GPM6B: variants seen among roughly 807,000 people sequenced by gnomAD.
The protein encoded by GPM6B is neuronal membrane glycoprotein M6-b.
Under a neutral mutation model 27.2 loss-of-function variants are expected in GPM6B, and 4 were observed. The ratio of observed to expected loss-of-function variants is 0.15; its 90% CI spans 0.07 to 0.34. GPM6B has a LOEUF of 0.34. GPM6B is among the 10% of genes least tolerant of loss of function. The probability of loss-of-function intolerance (pLI) is 1.00; values close to 1 mark genes in which losing one functional copy is unlikely to be tolerated. For synonymous variants in GPM6B, 124 were observed against 103.1 expected (o/e 1.20, Z -1.23); for missense variants, 183 against 261.9 (o/e 0.70, Z 2.08).
chrX:13,816,811 C>T, intron 1 of GPM6B, 33 bp downstream of exon 1: 1 of 1,208,047 alleles, frequency 8.3e-7, no homozygotes. Context: ...CAGTGAAAAG[C>T]TTTAAACAGG....
At chrX:13,887,891 T>C (rs1332217169) in intron 1 of GPM6B, among the ~76,000 whole-genome samples, 1 of 111,731 alleles carries the variant, frequency 9.0e-6, no homozygotes, top group Non-Finnish European at 1.9e-5. Flanking sequence ...CAGTGGGATA[T>C]GGGCATCTCA....
chrX:13,914,466 C>T (rs1197772276), intron 1 of GPM6B, among the ~76,000 whole-genome samples: 1 of 112,686 alleles, frequency 8.9e-6, no homozygotes, highest in Non-Finnish European at 1.9e-5. Context: ...CCTGAACTCC[C>T]TTTTCTTCTT....
intron 1 of GPM6B, among the ~76,000 whole-genome samples, chrX:13,903,105 T>C (rs2050296705): frequency 8.9e-6 from 1 of 112,095 alleles, no homozygotes; most frequent in Non-Finnish European, 1.9e-5. Context: ...CTCACTCCCA[T>C]ACTTTGTTAA....
intron 3 of GPM6B, 36 bp downstream of exon 3, chrX:13,785,586 C>A (rs765969282): frequency 1.7e-6 from 2 of 1,176,930 alleles, no homozygotes; most frequent in East Asian, 3.0e-5. Context: ...CCACGCCAGG[C>A]CTTAGATGCA....
intron 1 of GPM6B, among the ~76,000 whole-genome samples, chrX:13,903,378 C>T (rs2050299948): frequency 8.9e-6 from 1 of 112,017 alleles, no homozygotes; most frequent in East Asian, 2.8e-4. Flanking sequence ...TTCTTAGAGT[C>T]AGTATATTAT....
intron 7 of GPM6B, chrX:13,774,454 A>G: frequency 1.7e-6 from 2 of 1,168,947 alleles, no homozygotes; most frequent in Non-Finnish European, 2.3e-6. Context: ...TACTGTAACA[A>G]AATTGCAGAA....
intron 1 of GPM6B, among the ~76,000 whole-genome samples, chrX:13,926,536 T>C (rs1180505557): frequency 1.8e-5 from 2 of 111,397 alleles, no homozygotes; most frequent in Admixed American, 9.5e-5. Flanking sequence ...TCTAAATCTA[T>C]AGTAATGAAG....
In GPM6B at chrX:13,771,021, C is replaced by T. The variant is rs1412890726; in HGVS notation, c.*1860G>A. ...TAAATAGATCTTTAAAATAAGCATA[C>T]ACAAGTATTGACTATTATCTACAAA... On this transcript the variant is annotated 3_prime_UTR_variant, in exon 8 of 8. Coordinates refer to ENST00000316715, the MANE Select transcript of GPM6B (RefSeq NM_001001995.3). The T allele has an allele frequency of 3.6e-5, 4 of 112,524 alleles. No homozygotes were observed. The highest frequency in any genetic ancestry group is 7.5e-5 in the Non-Finnish European group (4 of 53,208). The allele number at this position is 112,524 out of a possible 1,213,427, so 9.3% of individuals were successfully genotyped here. A position where few individuals can be genotyped will look rare whatever the true frequency, so the allele number is the denominator to read the frequency against.
chrX:13,851,590 T>A (rs1222221707), intron 1 of GPM6B, among the ~76,000 whole-genome samples: 1 of 107,836 alleles, frequency 9.3e-6, no homozygotes, highest in Non-Finnish European at 1.9e-5. Context: ...CAAAGAATAA[T>A]CCATTTTGTT....
chrX:13,905,723 G>A (rs760759925), intron 1 of GPM6B, among the ~76,000 whole-genome samples: 31 of 111,591 alleles, frequency 2.8e-4, no homozygotes, highest in Non-Finnish European at 5.5e-4. Flanking sequence ...CCACAAGATA[G>A]ATCAAGGTTC....
At chrX:13,865,448 T>C (rs1271303702) in intron 1 of GPM6B, among the ~76,000 whole-genome samples, 1 of 102,159 alleles carries the variant, frequency 9.8e-6, no homozygotes, top group African/African-American at 3.6e-5. Context: ...AACCCCATTC[T>C]CAGCCAGGCA....
chrX:13,902,984 A>C (rs2050295386), intron 1 of GPM6B, among the ~76,000 whole-genome samples: 1 of 112,320 alleles, frequency 8.9e-6, no homozygotes, highest in Admixed American at 9.4e-5. Flanking sequence ...CTATCTAGGA[A>C]TCTCTGGGGC....
At chrX:13,811,900 C>T (rs1326184836) in intron 1 of GPM6B, among the ~76,000 whole-genome samples, 2 of 111,204 alleles carry the variant, frequency 1.8e-5, no homozygotes. Flanking sequence ...ATTTAATCTG[C>T]CACCAATCAG....
At chrX:13,799,190 A>ATTTTTTTTTTTTTTTTT (rs763194245) in intron 2 of GPM6B, among the ~76,000 whole-genome samples, 1 of 35,957 alleles carries the variant, frequency 2.8e-5, no homozygotes. Context: ...AGCCAACCTA[A>ATTTTTTTTTTTTTTTTT]TTTTTTTTTT....
At chrX:13,835,419 T>A (rs1385974449) in intron 1 of GPM6B, among the ~76,000 whole-genome samples, 1 of 112,064 alleles carries the variant, frequency 8.9e-6, no homozygotes, top group Admixed American at 9.5e-5. Flanking sequence ...ACTTGAGAAA[T>A]AATCAGAAGT....
chrX:13,885,677 C>CA (rs1178155176), intron 1 of GPM6B, among the ~76,000 whole-genome samples: 1 of 111,262 alleles, frequency 9.0e-6, no homozygotes, highest in African/African-American at 3.3e-5. Context: ...GTATGAACAA[C>CA]AACCCCCCGT....
chrX:13,867,817 G>A (rs2049935271), intron 1 of GPM6B, among the ~76,000 whole-genome samples: 1 of 111,898 alleles, frequency 8.9e-6, no homozygotes, highest in Admixed American at 9.5e-5. Context: ...AGGGAAGGTG[G>A]TGGTGGAACA....
intron 1 of GPM6B, among the ~76,000 whole-genome samples, chrX:13,924,311 C>A (rs1921068345): frequency 9.0e-6 from 1 of 110,800 alleles, no homozygotes; most frequent in African/African-American, 3.3e-5. Flanking sequence ...TATTTTTATT[C>A]TTTTTTGAGA....
At chrX:13,831,177 TACACAC>T (rs536337642) in intron 1 of GPM6B, among the ~76,000 whole-genome samples, 4,039 of 81,396 alleles carry the variant, frequency 0.05, 138 homozygotes, top group African/African-American at 0.11. Flanking sequence ...AAGAGCTCAG[TACACAC>T]ACACACACAC....
Sources: gnomAD v4.1 joint callset for allele counts (sites outside exome capture counted in the v4.1 genomes callset) on GRCh38, gnomAD v4.1.1 for gene constraint, MANE v1.5 for transcripts, NCBI Gene and HGNC (gene_info 2026-07-23, HGNC 2026-07-21) for gene names.